TXNDC16: variants seen among roughly 807,000 people sequenced by gnomAD.
TXNDC16 encodes thioredoxin domain-containing protein 16.
A neutral mutation model predicts 85.6 loss-of-function variants in TXNDC16; 74 were observed. That is an observed-to-expected ratio of 0.86 (90% CI 0.72 to 1.05). TXNDC16 has a LOEUF of 1.05. Among genes scored for constraint, TXNDC16 ranks in the 50% least tolerant of loss-of-function variants. The probability of loss-of-function intolerance (pLI) is 0.00; values close to 1 mark genes in which losing one functional copy is unlikely to be tolerated. For synonymous variants in TXNDC16, 335 were observed against 326.5 expected (o/e 1.03, Z -0.28); for missense variants, 959 against 947.0 (o/e 1.01, Z -0.17).
chr14:52,490,416 T>G lies in TXNDC16; in HGVS notation c.959A>C (p.Asn320Thr). ...SLEVNIPQDA[N>T]VVFKRAEEGV... The stretch of plus-strand genomic sequence containing the variant: ...CTCTTCTGCTCTTTTGAAGACCACA[T>G]TAGCATCTTGAGGAATGTTCACTTC... The change falls in exon 11 of 21, where the codon AAT becomes ACT. Residue 320 changes from asparagine (N) to threonine (T), a missense_variant. Asn to Thr is a moderately conservative substitution (Grantham distance 65). Coordinates refer to ENST00000281741, the MANE Select transcript of TXNDC16 (RefSeq NM_020784.3). 1 of 1,602,594 alleles carries G rather than the reference T, an allele frequency of 6.2e-7. No homozygotes were observed. The highest frequency in any genetic ancestry group is 8.5e-7 in the Non-Finnish European group (1 of 1,175,948).
rs563137072 is a variant in TXNDC16 at position 52,435,711 on chromosome 14, A to G, written c.2195-3124T>C. 3.9e-5 allele frequency among the ~76,000 whole-genome samples: 6 copies of G among 152,286 alleles called. No homozygotes were observed. In the East Asian group the frequency reaches 1.2e-3, roughly 29 times the overall value. On this transcript the variant is annotated intron_variant, in intron 20 of 20. Coordinates refer to ENST00000281741, the MANE Select transcript of TXNDC16 (RefSeq NM_020784.3). ...TGCAGTGGCTCATGCCTGTAATCCC[A>G]ACACTTTGGGGGGCTGAGGAGGGAG...
At chr14:52,491,683 A>G (rs1566557890) in intron 9 of TXNDC16, among the ~76,000 whole-genome samples, 1 of 152,204 alleles carries the variant, frequency 6.6e-6, no homozygotes, top group Non-Finnish European at 1.5e-5. Context: ...TTAAGAATTT[A>G]ACATATAATG....
At chr14:52,476,295 T>C (rs895914185) in intron 14 of TXNDC16, among the ~76,000 whole-genome samples, 2 of 151,814 alleles carry the variant, frequency 1.3e-5, no homozygotes, top group African/African-American at 4.8e-5. Context: ...CGCAAAAAAA[T>C]CACACTAGCT....
intron 20 of TXNDC16, among the ~76,000 whole-genome samples, chr14:52,434,273 G>A (rs148558334): frequency 7.6e-4 from 115 of 152,254 alleles, no homozygotes; most frequent in Middle Eastern, 3.4e-3. Flanking sequence ...TCAACACTGC[G>A]GCCTAGCGGT....
chr14:52,482,611 CTAGTT>C, intron 13 of TXNDC16, among the ~76,000 whole-genome samples: 1 of 152,176 alleles, frequency 6.6e-6, no homozygotes, highest in South Asian at 2.1e-4. Flanking sequence ...TAATGAACAT[CTAGTT>C]TAATCATTCA....
At chr14:52,547,580 A>T (rs1026334694) in intron 1 of TXNDC16, among the ~76,000 whole-genome samples, 1 of 152,240 alleles carries the variant, frequency 6.6e-6, no homozygotes, top group African/African-American at 2.4e-5. Flanking sequence ...CTAGAGCCCT[A>T]GCAACAACTG....
chr14:52,532,823 C>T (rs1281826073), intron 6 of TXNDC16, among the ~76,000 whole-genome samples: 1 of 152,020 alleles, frequency 6.6e-6, no homozygotes, highest in Admixed American at 6.6e-5. Flanking sequence ...GTATTTCAAA[C>T]TGATGGTTTT....
chr14:52,461,612 C>A (rs761201048), intron 16 of TXNDC16, among the ~76,000 whole-genome samples: 1 of 152,106 alleles, frequency 6.6e-6, no homozygotes, highest in Non-Finnish European at 1.5e-5. Flanking sequence ...TCTTTTGGGT[C>A]CTAAATTTAC....
At chr14:52,546,882 C>A (rs2037951482) in intron 1 of TXNDC16, among the ~76,000 whole-genome samples, 1 of 152,188 alleles carries the variant, frequency 6.6e-6, no homozygotes. Context: ...GAGACTGGAG[C>A]TAAGCAAGTG....
chr14:52,516,560 G>A (rs915540415), intron 7 of TXNDC16, among the ~76,000 whole-genome samples: 22 of 152,118 alleles, frequency 1.4e-4, no homozygotes, highest in African/African-American at 4.1e-4. Flanking sequence ...AAAATAGGAC[G>A]TCTTAGTGTG....
chr14:52,509,319 A>AT (rs1230330387), intron 9 of TXNDC16, among the ~76,000 whole-genome samples: 34 of 152,218 alleles, frequency 2.2e-4, no homozygotes, highest in African/African-American at 7.7e-4. Context: ...AGAATTCTTA[A>AT]TAATACTCAA....
chr14:52,445,855 A>G (rs1390593356), intron 18 of TXNDC16, among the ~76,000 whole-genome samples: 2 of 152,232 alleles, frequency 1.3e-5, no homozygotes, highest in African/African-American at 2.4e-5. Flanking sequence ...CTCTATATAA[A>G]GTTTGTATGA....
chr14:52,550,191 A>T (rs138071392), intron 1 of TXNDC16, among the ~76,000 whole-genome samples: 253 of 152,344 alleles, frequency 1.7e-3, no homozygotes, highest in African/African-American at 5.9e-3. Flanking sequence ...AATAAATTGT[A>T]GCAACATCTG....
intron 18 of TXNDC16, among the ~76,000 whole-genome samples, chr14:52,447,612 C>T (rs1342326813): frequency 6.6e-6 from 1 of 152,066 alleles, no homozygotes; most frequent in East Asian, 1.9e-4. Context: ...GAGAAGAGAA[C>T]ACCTTTAACG....
intron 18 of TXNDC16, among the ~76,000 whole-genome samples, chr14:52,447,801 G>C (rs1346270703): frequency 6.6e-6 from 1 of 151,784 alleles, no homozygotes; most frequent in African/African-American, 2.4e-5. Context: ...GATAACACAG[G>C]GAAGGAATTC....
At chr14:52,483,454 T>C (rs2036195171) in intron 12 of TXNDC16, among the ~76,000 whole-genome samples, 1 of 152,154 alleles carries the variant, frequency 6.6e-6, no homozygotes, top group East Asian at 1.9e-4. Context: ...AAGCCCAAAG[T>C]CTGCCAGGTA....
chr14:52,526,380 A>C (rs2037335681), intron 6 of TXNDC16, among the ~76,000 whole-genome samples: 1 of 152,188 alleles, frequency 6.6e-6, no homozygotes, highest in South Asian at 2.1e-4. Flanking sequence ...CAATATGTTC[A>C]GTTTTTGTGA....
chr14:52,521,705 CT>C (rs1410324854), intron 6 of TXNDC16, among the ~76,000 whole-genome samples: 2 of 152,190 alleles, frequency 1.3e-5, no homozygotes, highest in Non-Finnish European at 2.9e-5. Flanking sequence ...AAATGTAAAA[CT>C]TGATCTTCTA....
chr14:52,511,676 A>T (rs974385040), intron 8 of TXNDC16, among the ~76,000 whole-genome samples: 1 of 152,078 alleles, frequency 6.6e-6, no homozygotes, highest in Admixed American at 6.5e-5. Context: ...GGTTATAGGC[A>T]AGCCTATAAC....
Sources: gnomAD v4.1 joint callset for allele counts (sites outside exome capture counted in the v4.1 genomes callset) on GRCh38, gnomAD v4.1.1 for gene constraint, MANE v1.5 for transcripts, NCBI Gene and HGNC (gene_info 2026-07-23, HGNC 2026-07-21) for gene names.